The following TTC28 variants were observed in gnomAD, a reference collection of about 807,000 sequenced individuals.
TTC28 encodes tetratricopeptide repeat protein 28.
Under a neutral mutation model 198.0 loss-of-function variants are expected in TTC28, and 61 were observed. The observed-to-expected ratio is 0.31, with a 90% CI of 0.25 to 0.38. TTC28 has a LOEUF of 0.38. TTC28 is among the 10% of genes least tolerant of loss of function. The probability of loss-of-function intolerance (pLI) is 1.00; values close to 1 mark genes in which losing one functional copy is unlikely to be tolerated. For synonymous variants in TTC28, 1,171 were observed against 1,297.8 expected (o/e 0.90, Z 2.10); for missense variants, 2,678 against 3,164.0 (o/e 0.85, Z 3.69).
At chr22:28,217,802 T>C (rs903482787) in intron 5 of TTC28, among the ~76,000 whole-genome samples, 1 of 152,202 alleles carries the variant, frequency 6.6e-6, no homozygotes, top group African/African-American at 2.4e-5. Flanking sequence ...TTTTGAATAT[T>C]TGTTAACCCA....
intron 2 of TTC28, among the ~76,000 whole-genome samples, chr22:28,337,144 G>A (rs934104898): frequency 3.3e-5 from 5 of 152,140 alleles, no homozygotes; most frequent in African/African-American, 1.2e-4. Context: ...ATGTAGTTGC[G>A]CGGTTTTCAG....
At chr22:28,099,810 G>A (rs1942089900) in intron 9 of TTC28, among the ~76,000 whole-genome samples, 1 of 152,190 alleles carries the variant, frequency 6.6e-6, no homozygotes, top group African/African-American at 2.4e-5. Context: ...GAACAGGTAT[G>A]GTGAAGGCAT....
rs574967984 is a variant in TTC28 at position 28,198,653 on chromosome 22, G to A, written c.934-35054C>T. Among the ~76,000 whole-genome samples the A allele has an allele frequency of 5.9e-5, 9 of 152,248 alleles. No individual in the cohort carries two copies. The South Asian group carries it at 1.9e-3, about 32-fold the overall frequency. On this transcript the variant is annotated intron_variant, in intron 5 of 22. Transcript: ENST00000397906. ...AAGTTTGGTTCTCCTTCATGAAGCA[G>A]TTCAAGGTGGTGCCAGATTAACAGG... is the stretch of plus-strand genomic sequence containing the variant.
intron 2 of TTC28, among the ~76,000 whole-genome samples, chr22:28,479,432 ATAG>A (rs1424474671): frequency 1.3e-5 from 2 of 152,180 alleles, no homozygotes; most frequent in Admixed American, 1.3e-4. Context: ...CAAACCAAAA[ATAG>A]TAAGTATGTC....
chr22:28,558,984 G>A (rs924849876), intron 2 of TTC28, among the ~76,000 whole-genome samples: 5 of 151,468 alleles, frequency 3.3e-5, no homozygotes, highest in African/African-American at 4.9e-5. Context: ...GCAGTGAGCC[G>A]AGATCACGCC....
chr22:28,531,220 C>A (rs2049131809), intron 2 of TTC28, among the ~76,000 whole-genome samples: 2 of 152,124 alleles, frequency 1.3e-5, no homozygotes, highest in Admixed American at 6.5e-5. Flanking sequence ...GAAGATCTAC[C>A]AAGCAAATGG....
chr22:28,450,024 T>G (rs888687643), intron 2 of TTC28, among the ~76,000 whole-genome samples: 2 of 152,146 alleles, frequency 1.3e-5, no homozygotes, highest in Admixed American at 6.5e-5. Context: ...ACTTGTAGGA[T>G]CTAAGGTACT....
chr22:28,108,240 T>C lies in TTC28; in HGVS notation c.1605A>G (p.Lys535=). 1 of 1,551,044 alleles carries C rather than the reference T, an allele frequency of 6.4e-7. No homozygotes were observed. The highest frequency in any genetic ancestry group is 2.4e-5 in the East Asian group (1 of 40,890). ...NALGMYDQAV[K]YHRQELQISM... ...AGATCTGCAGCTCCTGCCGATGGTATTTGACCGCCTGGTCGTACATGCCCA... is the reference window on the plus strand; with the variant it reads ...AGATCTGCAGCTCCTGCCGATGGTACTTGACCGCCTGGTCGTACATGCCCA... Residue 535 remains lysine, a synonymous_variant, in exon 7 of 23, where the codon AAA becomes AAG. Coordinates refer to ENST00000397906, the MANE Select transcript of TTC28 (RefSeq NM_001145418.2).
At chr22:28,139,964 T>C (rs1943290930) in intron 6 of TTC28, among the ~76,000 whole-genome samples, 1 of 152,142 alleles carries the variant, frequency 6.6e-6, no homozygotes, top group Admixed American at 6.5e-5. Flanking sequence ...AGATCTGCCA[T>C]GTGTCAGCAG....
intron 6 of TTC28, among the ~76,000 whole-genome samples, chr22:28,110,094 C>A (rs769546175): frequency 2.0e-5 from 3 of 152,170 alleles, no homozygotes; most frequent in Admixed American, 6.5e-5. Flanking sequence ...AGAGAGCACA[C>A]TGAGTGAAAA....
intron 2 of TTC28, among the ~76,000 whole-genome samples, chr22:28,591,269 G>A (rs1416782161): frequency 2.0e-5 from 3 of 150,088 alleles, no homozygotes; most frequent in Non-Finnish European, 3.0e-5. Context: ...CACCTCACCT[G>A]ACTATTTTTT....
chr22:28,600,292 C>T (rs2050618045), intron 2 of TTC28, among the ~76,000 whole-genome samples: 1 of 152,000 alleles, frequency 6.6e-6, no homozygotes, highest in South Asian at 2.1e-4. Context: ...GTAGTCCCCG[C>T]TACCTAAGAG....
At chr22:28,550,306 C>G (rs2049640328) in intron 2 of TTC28, among the ~76,000 whole-genome samples, 1 of 152,048 alleles carries the variant, frequency 6.6e-6, no homozygotes, top group Non-Finnish European at 1.5e-5. Flanking sequence ...ATCCCATTTC[C>G]CTTTGAAAGC....
intron 2 of TTC28, among the ~76,000 whole-genome samples, chr22:28,588,634 T>C (rs2146081847): frequency 6.6e-6 from 1 of 152,322 alleles, no homozygotes; most frequent in South Asian, 2.1e-4. Context: ...AAGTAGCAAC[T>C]TCTTTCTTTA....
intron 5 of TTC28, among the ~76,000 whole-genome samples, chr22:28,181,206 C>G (rs2147104620): frequency 6.6e-6 from 1 of 152,202 alleles, no homozygotes; most frequent in East Asian, 1.9e-4. Flanking sequence ...GATCTATTAC[C>G]TAGACCTAAG....
chr22:28,419,178 T>C (rs771714205), intron 2 of TTC28, among the ~76,000 whole-genome samples: 1 of 152,178 alleles, frequency 6.6e-6, no homozygotes, highest in Non-Finnish European at 1.5e-5. Context: ...TATAACTCTC[T>C]GAAACTGCAA....
intron 2 of TTC28, among the ~76,000 whole-genome samples, chr22:28,621,481 A>T (rs1462889600): frequency 6.6e-6 from 1 of 151,974 alleles, no homozygotes; most frequent in African/African-American, 2.4e-5. Context: ...TCAGGAGGCC[A>T]AGGCAGAAGA....
At chr22:28,166,054 A>C (rs1921899651) in intron 5 of TTC28, among the ~76,000 whole-genome samples, 1 of 152,246 alleles carries the variant, frequency 6.6e-6, no homozygotes, top group African/African-American at 2.4e-5. Flanking sequence ...ACAGACTTTA[A>C]ACCAACAAAG....
intron 12 of TTC28, among the ~76,000 whole-genome samples, chr22:28,081,068 T>C (rs1654380572): frequency 6.6e-6 from 1 of 151,952 alleles, no homozygotes; most frequent in African/African-American, 2.4e-5. Context: ...CAGTATCATA[T>C]TGTTTTGATA....
Sources: allele counts gnomAD v4.1 joint callset (sites outside exome capture counted in the v4.1 genomes callset), GRCh38; gene constraint gnomAD v4.1.1; transcripts MANE v1.5; gene names NCBI Gene and HGNC (gene_info 2026-07-23, HGNC 2026-07-21).